PTN: variants seen among roughly 807,000 people sequenced by gnomAD.
The protein encoded by PTN is heparin affin regulatory protein.
In PTN, 18 loss-of-function variants were observed where a neutral mutation model predicts 24.1. That is an observed-to-expected ratio of 0.75 (90% CI 0.52 to 1.11). The LOEUF (loss-of-function observed/expected upper bound fraction) is 1.11, where lower values mean the gene tolerates loss of function less well. Ranked by LOEUF, PTN falls within the 50% of genes least tolerant of loss-of-function variation. PTN has a pLI of 0.00. For missense variants in PTN, 163 were observed against 198.8 expected, an observed-to-expected ratio of 0.82 and a Z score of 1.08; for synonymous variants, 78 against 68.6, an observed-to-expected ratio of 1.14 and a Z score of -0.67.
chr7:137,341,967 A>C (rs1562976641), intron 1 of PTN, among the ~76,000 whole-genome samples: 1 of 152,170 alleles, frequency 6.6e-6, no homozygotes, highest in African/African-American at 2.4e-5. Context: ...TATTCATTCT[A>C]ATTTCCTCTG....
chr7:137,240,806 G>T (rs1808615618), intron 4 of PTN, among the ~76,000 whole-genome samples: 1 of 152,180 alleles, frequency 6.6e-6, no homozygotes, highest in Admixed American at 6.5e-5. Context: ...TACCTGTATG[G>T]AATGACACAG....
chr7:137,316,370 A>G (rs906978761), intron 1 of PTN, among the ~76,000 whole-genome samples: 2 of 152,096 alleles, frequency 1.3e-5, no homozygotes, highest in African/African-American at 4.8e-5. Context: ...CTACCCCGAG[A>G]ATTTTGATCT....
intron 1 of PTN, among the ~76,000 whole-genome samples, chr7:137,259,401 T>C (rs1458917554): frequency 4.6e-5 from 7 of 152,010 alleles, no homozygotes; most frequent in Admixed American, 2.0e-4. Flanking sequence ...CCACCTACTT[T>C]TTGAGTGTCC....
chr7:137,290,127 G>T (rs940342362), intron 1 of PTN, among the ~76,000 whole-genome samples: 2 of 152,118 alleles, frequency 1.3e-5, no homozygotes, highest in Admixed American at 6.6e-5. Flanking sequence ...AAAAGAGAGA[G>T]CTCCTACAGG....
At chr7:137,228,157 T>C (rs1808366444) in intron 4 of PTN, 82 bp from the exon 5 acceptor site, 7 of 849,598 alleles carry the variant, frequency 8.2e-6, no homozygotes, top group Non-Finnish European at 1.4e-5. Context: ...AATAGCCACA[T>C]TTCTTATAAT....
intron 1 of PTN, among the ~76,000 whole-genome samples, chr7:137,318,035 G>A (rs1415966221): frequency 6.6e-6 from 1 of 152,196 alleles, no homozygotes; most frequent in Non-Finnish European, 1.5e-5. Flanking sequence ...GGGAGGCCAA[G>A]GTGGGTGGAT....
chr7:137,297,747 G>C lies in PTN; in HGVS notation c.-1-42773C>G, dbSNP rs147257527. Among the ~76,000 whole-genome samples the C allele has an allele frequency of 2.2e-3, 338 of 152,146 alleles. 8 individuals are homozygous for C. The East Asian group carries it at 0.057, about 26-fold the overall frequency. ...GCCAAAGCAAAGCAGAAGGCAGACG[G>C]CAAACGAATCTATTGATTTTTCCAT... On this transcript the variant is annotated intron_variant, in intron 1 of 4. Transcript: ENST00000348225.
intron 1 of PTN, among the ~76,000 whole-genome samples, chr7:137,283,185 G>T (rs1019841588): frequency 1.3e-5 from 2 of 152,132 alleles, no homozygotes; most frequent in Non-Finnish European, 2.9e-5. Flanking sequence ...GTATTTTCTT[G>T]GTTTAGCTGG....
intron 1 of PTN, among the ~76,000 whole-genome samples, chr7:137,278,133 C>T (rs1423314022): frequency 2.0e-5 from 3 of 150,780 alleles, no homozygotes; most frequent in Non-Finnish European, 4.4e-5. Context: ...CGGTGAAACC[C>T]CGTCTCTACT....
intron 4 of PTN, among the ~76,000 whole-genome samples, chr7:137,230,992 C>T (rs1033478467): frequency 1.9e-4 from 29 of 151,838 alleles, no homozygotes; most frequent in Non-Finnish European, 3.4e-4. Flanking sequence ...CTCATTAATG[C>T]CTCCCATCCT....
At chr7:137,296,967 A>C (rs1380916126) in intron 1 of PTN, among the ~76,000 whole-genome samples, 3 of 152,090 alleles carry the variant, frequency 2.0e-5, no homozygotes, top group Non-Finnish European at 4.4e-5. Flanking sequence ...GCTTACTTGA[A>C]TGCACAAAAG....
intron 2 of PTN, among the ~76,000 whole-genome samples, chr7:137,254,516 A>G (rs113645339): frequency 2.7e-5 from 4 of 147,598 alleles, no homozygotes; most frequent in African/African-American, 1.0e-4. Context: ...ATCTGAAATT[A>G]AGGAGAAAAA....
chr7:137,245,259 T>C (rs1015308249), intron 4 of PTN, among the ~76,000 whole-genome samples: 2 of 152,184 alleles, frequency 1.3e-5, no homozygotes, highest in African/African-American at 4.8e-5. Context: ...AAGAAGGCAC[T>C]TTCTGACGAA....
chr7:137,254,076 G>C (rs1408381494), intron 2 of PTN, among the ~76,000 whole-genome samples: 1 of 152,116 alleles, frequency 6.6e-6, no homozygotes, highest in Non-Finnish European at 1.5e-5. Flanking sequence ...GAAGCAGGCA[G>C]ATCACAAGGT....
At chr7:137,258,087 C>T (rs932396900) in intron 1 of PTN, among the ~76,000 whole-genome samples, 1 of 152,042 alleles carries the variant, frequency 6.6e-6, no homozygotes, top group Non-Finnish European at 1.5e-5. Flanking sequence ...TTGTTTTCAT[C>T]GTTATTTTCA....
chr7:137,249,990 A>G (rs550262953), intron 4 of PTN, among the ~76,000 whole-genome samples: 2 of 152,072 alleles, frequency 1.3e-5, no homozygotes, highest in East Asian at 3.9e-4. Flanking sequence ...GCCAATCTCC[A>G]TCACCTTCTG....
chr7:137,256,219 A>G (rs322319), intron 1 of PTN, among the ~76,000 whole-genome samples: 74,629 of 151,872 alleles, frequency 0.49, 19,241 homozygotes, highest in African/African-American at 0.66. Flanking sequence ...TTAAGTTCCA[A>G]GATACATGTG....
At chr7:137,272,641 C>T (rs1484991254) in intron 1 of PTN, among the ~76,000 whole-genome samples, 1 of 152,108 alleles carries the variant, frequency 6.6e-6, no homozygotes, top group Non-Finnish European at 1.5e-5. Flanking sequence ...ACTATCATGT[C>T]TTTAAATCTC....
At chr7:137,253,738 T>A in intron 2 of PTN, 101 bp from the exon 3 acceptor site, 1 of 1,059,908 alleles carries the variant, frequency 9.4e-7, no homozygotes, top group Non-Finnish European at 1.3e-6. Context: ...GGATCTGTGT[T>A]TTTTAATCTG....
Sources: gnomAD v4.1 joint callset for allele counts (sites outside exome capture counted in the v4.1 genomes callset) on GRCh38, gnomAD v4.1.1 for gene constraint, MANE v1.5 for transcripts, NCBI Gene and HGNC (gene_info 2026-07-23, HGNC 2026-07-21) for gene names.